Variants in NTSR2 observed in about 807,000 individuals in gnomAD.
NTSR2 encodes the protein neurotensin receptor type 2.
Under a neutral mutation model 24.1 loss-of-function variants are expected in NTSR2, and 22 were observed. The observed-to-expected ratio is 0.91, with a 90% CI of 0.65 to 1.30. The LOEUF is 1.30. Ranked by LOEUF, NTSR2 falls within the 50% of genes most tolerant of loss-of-function variation. The pLI is 0.00. For synonymous variants in NTSR2, 291 were observed against 267.0 expected (o/e 1.09, Z -0.88); for missense variants, 570 against 570.4 (o/e 1.00, Z 0.01).
chr2:11,660,474 G>A (rs570969879), intron 2 of NTSR2, among the ~76,000 whole-genome samples: 1 of 152,266 alleles, frequency 6.6e-6, no homozygotes, highest in South Asian at 2.1e-4. Context: ...CAACAGAACT[G>A]TCTTTCTTGG....
chr2:11,662,131 G>A lies in NTSR2; in HGVS notation c.734C>T (p.Thr245Ile), dbSNP rs768354226. The A allele has an allele frequency of 3.7e-6, 6 of 1,611,068 alleles. No homozygotes were observed. Among genetic ancestry groups the A allele is most frequent in the Non-Finnish European group, 5.1e-6 (6 of 1,178,996 alleles). Residue 245 changes from threonine to isoleucine, a missense_variant, in exon 2 of 4, where the codon ACC becomes ATC. Transcript: ENST00000306928. Reference protein sequence around the residue: ...ALCSQVPSTSTPGSSTPSRLE... With the variant: ...ALCSQVPSTSIPGSSTPSRLE... ...GCGGCTGGGGGTGGAGCTGCCCGGG[G>A]TAGAAGTGGACGGCACTTGGGAGCA...
chr2:11,669,140 C>T (rs1422028245), intron 1 of NTSR2, among the ~76,000 whole-genome samples: 1 of 152,090 alleles, frequency 6.6e-6, no homozygotes, highest in Non-Finnish European at 1.5e-5. Context: ...CCAGAGCCGT[C>T]TGGGGAGCTC....
intron 3 of NTSR2, among the ~76,000 whole-genome samples, chr2:11,659,541 T>G (rs571935586): frequency 6.6e-6 from 1 of 152,324 alleles, no homozygotes; most frequent in Admixed American, 6.5e-5. Flanking sequence ...CTTTTGGATG[T>G]TTGATTCCCA....
At chr2:11,662,274 G>A (rs760757254) in intron 1 of NTSR2, 34 bp from the exon 2 acceptor site, 61 of 1,458,044 alleles carry the variant, frequency 4.2e-5, no homozygotes, top group East Asian at 7.5e-5. Context: ...ATGGGGCAGC[G>A]CCAGGGCCCT....
rs185716468 is a variant in NTSR2, at chr2:11,666,306, G to C, written c.624+3200C>G. Among the ~76,000 whole-genome samples the C allele has an allele frequency of 3.4e-4, 51 of 152,222 alleles. 1 individual carries two copies. Among genetic ancestry groups the C allele is most frequent in the African/African-American group, 4.3e-4 (18 of 41,534 alleles). ...TCCTACCAAACTCTCACACCCCTTT[G>C]CTTACTCATGCTCAAATTTTTAAAA... On this transcript the variant is annotated intron_variant, in intron 1 of 3. Transcript: ENST00000306928.
rs1030407653 is a variant in NTSR2 at position 11,658,223 on chromosome 2, T to A, written c.*256A>T. 6.0e-5 allele frequency: 24 copies of A among 402,842 alleles called. No individual in the cohort carries two copies. Among genetic ancestry groups the A allele is most frequent in the Non-Finnish European group, 8.3e-5 (19 of 228,110 alleles). The allele number at this position is 402,842 out of a possible 1,614,324, so 25.0% of individuals were successfully genotyped here. On this transcript the variant is annotated 3_prime_UTR_variant, in exon 4 of 4. Transcript: ENST00000306928. ...TGAGCATCTACTACGCACCAGGTTC[T>A]GTGCTAAGCACTTTAGTCTCAGGCA...
intron 1 of NTSR2, among the ~76,000 whole-genome samples, chr2:11,663,933 T>C (rs969145464): frequency 6.6e-6 from 1 of 152,200 alleles, no homozygotes; most frequent in Non-Finnish European, 1.5e-5. Context: ...ATGATGGGAC[T>C]GCTGTTTTCC....
At chr2:11,660,012 C>T in intron 3 of NTSR2, 31 bp downstream of exon 3, 1 of 1,590,584 alleles carries the variant, frequency 6.3e-7, no homozygotes, top group Non-Finnish European at 8.6e-7. Context: ...GGCCCCCTCC[C>T]TGTGTGCTAG....
In NTSR2 at chr2:11,665,055, G is replaced by GTTTTT. The variant is rs34751276; in HGVS notation, c.625-2820_625-2816dup. Among the ~76,000 whole-genome samples, 41 of 106,678 alleles carry GTTTTT rather than the reference G, an allele frequency of 3.8e-4. 4 individuals carry two copies. The highest frequency in any genetic ancestry group is 6.0e-4 in the Non-Finnish European group (33 of 55,346). The allele number at this position is 106,678 out of a possible 152,430, so 70.0% of individuals were successfully genotyped here. On this transcript the variant is annotated intron_variant, in intron 1 of 3. Coordinates refer to ENST00000306928, the MANE Select transcript of NTSR2 (RefSeq NM_012344.4). ...AAACATTGCTTGGCACTTTGGCACT[G>GTTTTT]TTTTTTTTTTTTTTTTTTTTTTTTT...
intron 1 of NTSR2, among the ~76,000 whole-genome samples, chr2:11,668,290 G>A (rs1661247797): frequency 1.3e-5 from 2 of 152,208 alleles, no homozygotes; most frequent in South Asian, 2.1e-4. Flanking sequence ...GAGCAGACAC[G>A]AACAAAGGTG....
intron 1 of NTSR2, among the ~76,000 whole-genome samples, chr2:11,666,553 G>T (rs1331071128): frequency 1.3e-5 from 2 of 152,076 alleles, no homozygotes; most frequent in Admixed American, 6.5e-5. Flanking sequence ...AAAAAAATTA[G>T]CTGGGCGTGG....
At chr2:11,669,459 C>CGGGGCG in intron 1 of NTSR2, 47 bp downstream of exon 1, 4 of 337,892 alleles carry the variant, frequency 1.2e-5, no homozygotes, top group East Asian at 4.3e-5. Context: ...CTCCCAGCAC[C>CGGGGCG]GCCCCCCCAC....
In NTSR2 at chr2:11,658,499, G is replaced by T. The variant is rs753167901; in HGVS notation, c.1213C>A (p.Pro405Thr). The T allele has an allele frequency of 3.1e-6, 5 of 1,604,602 alleles. No homozygotes were observed. The African/African-American group carries it at 5.4e-5, about 17-fold the overall frequency. ...LMDTASGFGD[P>T]PETRT ...TACATTCAGGTCCGGGTTTCTGGGG[G>T]ATCCCCAAAGCCTGAAGCTGTATCC... is the stretch of plus-strand genomic sequence containing the variant. The change falls in exon 4 of 4, where the codon CCC becomes ACC. Residue 405 changes from proline (P) to threonine (T), a missense_variant. Physicochemically the swap from Pro to Thr is conservative, Grantham distance 38. Coordinates refer to ENST00000306928, the MANE Select transcript of NTSR2 (RefSeq NM_012344.4).
intron 1 of NTSR2, 46 bp downstream of exon 1, chr2:11,669,460 G>GGGCGGGGGGGGGGCCCC: frequency 3.9e-6 from 1 of 254,726 alleles, no homozygotes; most frequent in African/African-American, 3.1e-5. Flanking sequence ...TCCCAGCACC[G>GGGCGGGGGGGGGGCCCC]CCCCCCCACC....
chr2:11,669,868 G>T lies in NTSR2; in HGVS notation c.262C>A (p.Pro88Thr). Residue 88 changes from proline (P) to threonine (T), a missense_variant, in exon 1 of 4, where the codon CCG (proline) becomes ACG (threonine). By Grantham distance (38) the Pro-to-Thr change is conservative (BLOSUM62 -1). Transcript: ENST00000306928. ...AGLLLLLVGVPVELYSFVWFH... is the reference protein window; with the variant it reads ...AGLLLLLVGVTVELYSFVWFH... Reference sequence around the variant, plus strand: ...CACACGAAGCTGTAGAGCTCCACCGGCACGCCGACCAGCAGCAGCAGCAGG... The same window carrying T: ...CACACGAAGCTGTAGAGCTCCACCGTCACGCCGACCAGCAGCAGCAGCAGG... 1 of 1,585,040 alleles carries T rather than the reference G, an allele frequency of 6.3e-7. No individual in the cohort carries two copies. Among genetic ancestry groups the T allele is most frequent in the Non-Finnish European group, 8.5e-7 (1 of 1,172,278 alleles).
In NTSR2 at chr2:11,670,007, G is replaced by A. The variant is rs1661300159; in HGVS notation, c.123C>T (p.Leu41=). 3 of 1,516,836 alleles carry A rather than the reference G, an allele frequency of 2.0e-6. No individual in the cohort carries two copies. The East Asian group carries it at 7.7e-5, about 39-fold the overall frequency. The allele number at this position is 1,516,836 out of a possible 1,614,324, so 94.0% of individuals were successfully genotyped here. Residue 41 remains leucine (L), a synonymous_variant, in exon 1 of 4, where the codon CTC becomes CTT. Coordinates refer to ENST00000306928, the MANE Select transcript of NTSR2 (RefSeq NM_012344.4). ...AKVLFTALYA[L]IWALGAAGNA... ...TGCCCGCCGCGCCCAGCGCCCAGAT[G>A]AGTGCGTAGAGCGCGGTGAACAGCA... is the stretch of plus-strand genomic sequence containing the variant.
chr2:11,662,813 A>G lies in NTSR2; in HGVS notation c.625-573T>C, dbSNP rs1572265551. 3.3e-5 allele frequency among the ~76,000 whole-genome samples: 5 copies of G among 152,286 alleles called. 1 individual carries two copies. ...AAATGCATTCAAGAAAATTTTCCCA[A>G]AGTTGAGGAATCTGAGCTTCTAGAC... is the stretch of plus-strand genomic sequence containing the variant. On this transcript the variant is annotated intron_variant, in intron 1 of 3. Coordinates refer to ENST00000306928, the MANE Select transcript of NTSR2 (RefSeq NM_012344.4).
chr2:11,662,983 A>G (rs1354449205), intron 1 of NTSR2, among the ~76,000 whole-genome samples: 1 of 152,210 alleles, frequency 6.6e-6, no homozygotes, highest in Non-Finnish European at 1.5e-5. Flanking sequence ...ATAGGATGGA[A>G]AACCAGAATG....
chr2:11,665,029 C>T (rs544831461), intron 1 of NTSR2, among the ~76,000 whole-genome samples: 1 of 148,098 alleles, frequency 6.8e-6, no homozygotes, highest in South Asian at 2.1e-4. Context: ...ATTCAAAACA[C>T]AAACATTGCT....
Sources: gnomAD v4.1 joint callset for allele counts (sites outside exome capture counted in the v4.1 genomes callset) on GRCh38, gnomAD v4.1.1 for gene constraint, MANE v1.5 for transcripts, NCBI Gene and HGNC (gene_info 2026-07-23, HGNC 2026-07-21) for gene names.